The following PTPRN2 variants were observed in gnomAD, a reference collection of about 807,000 sequenced individuals.
PTPRN2 encodes receptor-type tyrosine-protein phosphatase N2.
A neutral mutation model predicts 118.8 loss-of-function variants in PTPRN2; 74 were observed. The ratio of observed to expected loss-of-function variants is 0.62; its 90% CI spans 0.52 to 0.76. The LOEUF (loss-of-function observed/expected upper bound fraction) is 0.76. Among genes scored for constraint, PTPRN2 ranks in the 30% least tolerant of loss-of-function variants. PTPRN2 has a pLI of 0.00. For synonymous variants in PTPRN2, 641 were observed against 608.0 expected (o/e 1.05, Z -0.80); for missense variants, 1,481 against 1,394.4 (o/e 1.06, Z -0.99).
chr7:158,429,429 C>G (rs1434389697), intron 2 of PTPRN2, among the ~76,000 whole-genome samples: 5 of 152,266 alleles, frequency 3.3e-5, no homozygotes, highest in Non-Finnish European at 7.3e-5. Context: ...CAGGCACTCT[C>G]TGCACCACCC....
intron 11 of PTPRN2, among the ~76,000 whole-genome samples, chr7:157,998,910 G>A (rs1311495527): frequency 6.6e-6 from 1 of 151,872 alleles, no homozygotes; most frequent in Non-Finnish European, 1.5e-5. Context: ...CCCCACGTAA[G>A]AGGGTTGTGT....
intron 11 of PTPRN2, among the ~76,000 whole-genome samples, chr7:157,989,233 C>T (rs961584633): frequency 6.6e-6 from 1 of 152,006 alleles, no homozygotes; most frequent in African/African-American, 2.4e-5. Context: ...GCCTGGGCAA[C>T]ATGGTGAAAC....
At chr7:158,366,386 ACC>A (rs1188456902) in intron 2 of PTPRN2, among the ~76,000 whole-genome samples, 5 of 46,496 alleles carry the variant, frequency 1.1e-4, no homozygotes, top group African/African-American at 2.0e-4. Context: ...ACGCACACAC[ACC>A]CACACACCCA....
chr7:157,773,900 CCTA>C (rs1275161485), intron 12 of PTPRN2, among the ~76,000 whole-genome samples: 4 of 152,228 alleles, frequency 2.6e-5, no homozygotes, highest in Non-Finnish European at 5.9e-5. Flanking sequence ...CACAGCACAT[CCTA>C]AGTGTCATAC....
chr7:158,009,191 A>G (rs1805870472), intron 11 of PTPRN2, among the ~76,000 whole-genome samples: 1 of 152,066 alleles, frequency 6.6e-6, no homozygotes, highest in Non-Finnish European at 1.5e-5. Context: ...CGCTTCAGAC[A>G]TTTCACCATC....
intron 2 of PTPRN2, among the ~76,000 whole-genome samples, chr7:158,403,433 G>A (rs574709599): frequency 3.9e-5 from 6 of 152,334 alleles, no homozygotes; most frequent in Admixed American, 2.6e-4. Flanking sequence ...GGACAGGCCC[G>A]GGCACAGGCC....
rs1426648452 is a variant in PTPRN2 at position 157,845,116 on chromosome 7, C to T, written c.1788+53557G>A. Among the ~76,000 whole-genome samples, 2 of 152,148 alleles carry T rather than the reference C, an allele frequency of 1.3e-5. No individual in the cohort carries two copies. The highest frequency in any genetic ancestry group is 2.9e-5 in the Non-Finnish European group (2 of 68,020). ...TCACAGGGACGCAGCCCTGACCTCA[C>T]GTTGGTCCACGACGGGCAGAGAGCA... On this transcript the variant is annotated intron_variant, in intron 12 of 22. Coordinates refer to ENST00000389418, the MANE Select transcript of PTPRN2 (RefSeq NM_002847.5). The surrounding 1 kb of genome is among the most constrained non-coding windows in gnomAD (Gnocchi z 4.5).
rs189236608 is a variant in PTPRN2 at position 157,644,766 on chromosome 7, G to C, written c.2196+11591C>G. 5.8e-3 allele frequency among the ~76,000 whole-genome samples: 870 copies of C among 151,126 alleles called. 6 individuals carry two copies. Among genetic ancestry groups the C allele is most frequent in the Non-Finnish European group, 8.9e-3 (607 of 67,852 alleles). On this transcript the variant is annotated intron_variant, in intron 14 of 22. Transcript: ENST00000389418. ...GCCGAGATCACACCATTGCACTCCA[G>C]CCTGGGCAACAAGAGTGAAACTCCA...
intron 9 of PTPRN2, among the ~76,000 whole-genome samples, chr7:158,127,995 GGAAAAGCC>G (rs1438897264): frequency 6.6e-6 from 1 of 152,180 alleles, no homozygotes; most frequent in African/African-American, 2.4e-5. Context: ...AATCATGCCT[GGAAAAGCC>G]GAGCCCTACC....
intron 22 of PTPRN2, among the ~76,000 whole-genome samples, chr7:157,547,128 G>T (rs1798361382): frequency 6.6e-6 from 1 of 152,186 alleles, no homozygotes. Flanking sequence ...AAACTACTTT[G>T]AATTTAGATT....
intron 2 of PTPRN2, among the ~76,000 whole-genome samples, chr7:158,359,932 G>A (rs1178391017): frequency 6.6e-6 from 1 of 152,094 alleles, no homozygotes; most frequent in Non-Finnish European, 1.5e-5. Flanking sequence ...TGTGGAGAGT[G>A]AGAAGACAAG....
At chr7:157,653,109 C>T (rs1443666318) in intron 14 of PTPRN2, among the ~76,000 whole-genome samples, 4 of 152,208 alleles carry the variant, frequency 2.6e-5, no homozygotes, top group African/African-American at 2.4e-5. Flanking sequence ...GCTGAGCCTG[C>T]CCCCCAGACG....
At chr7:158,275,549 T>C (rs1798904725) in intron 3 of PTPRN2, among the ~76,000 whole-genome samples, 2 of 152,258 alleles carry the variant, frequency 1.3e-5, no homozygotes, top group Admixed American at 1.3e-4. Flanking sequence ...ATTTAATTGC[T>C]AGAAATTACT....
At chr7:157,818,803 C>A (rs975575439) in intron 12 of PTPRN2, among the ~76,000 whole-genome samples, 8 of 152,120 alleles carry the variant, frequency 5.3e-5, no homozygotes, top group Non-Finnish European at 7.4e-5. Flanking sequence ...TCATTAATTA[C>A]GTGTGGAGAA....
At chr7:158,299,615 C>T (rs1306633672) in intron 3 of PTPRN2, among the ~76,000 whole-genome samples, 2 of 152,128 alleles carry the variant, frequency 1.3e-5, no homozygotes, top group Admixed American at 6.5e-5. Flanking sequence ...TTTTTTTTAG[C>T]TCATTAACAT....
chr7:158,120,416 T>G (rs1343755254), intron 9 of PTPRN2, among the ~76,000 whole-genome samples: 1 of 152,124 alleles, frequency 6.6e-6, no homozygotes, highest in Non-Finnish European at 1.5e-5. Context: ...CACCATGACG[T>G]GTGGCTGCTC....
chr7:157,664,966 C>T (rs4403300), intron 13 of PTPRN2, among the ~76,000 whole-genome samples: 58,497 of 152,136 alleles, frequency 0.38, 12,297 homozygotes, highest in Non-Finnish European at 0.49. Context: ...CCTGGTCAGA[C>T]GGTGAACACC....
intron 11 of PTPRN2, among the ~76,000 whole-genome samples, chr7:157,958,497 A>C (rs1468427712): frequency 6.6e-6 from 1 of 152,242 alleles, no homozygotes; most frequent in African/African-American, 2.4e-5. Context: ...TAGGTAGAAA[A>C]TCATAAAGAT....
At chr7:158,274,743 C>T (rs1209804886) in intron 3 of PTPRN2, among the ~76,000 whole-genome samples, 1 of 152,156 alleles carries the variant, frequency 6.6e-6, no homozygotes, top group Non-Finnish European at 1.5e-5. Flanking sequence ...GGGGGAGTCA[C>T]CCCATGACCA....
Sources: allele counts gnomAD v4.1 joint callset (sites outside exome capture counted in the v4.1 genomes callset), GRCh38; gene constraint gnomAD v4.1.1; non-coding constraint Gnocchi (gnomAD v3.1); transcripts MANE v1.5; gene names NCBI Gene and HGNC (gene_info 2026-07-23, HGNC 2026-07-21).